The following SATB2 variants were observed in gnomAD, a reference collection of about 807,000 sequenced individuals.
SATB2 encodes DNA-binding protein SATB2.
A neutral mutation model predicts 73.4 loss-of-function variants in SATB2; 1 was observed. The observed-to-expected ratio is 0.01, with a 90% CI of 0.00 to 0.06. SATB2 has a LOEUF of 0.06. Ranked by LOEUF, SATB2 falls within the 10% of genes least tolerant of loss-of-function variation. The pLI is 1.00. For synonymous variants in SATB2, 397 were observed against 367.0 expected, an observed-to-expected ratio of 1.08 and a Z score of -0.93; for missense variants, 459 against 945.8, an observed-to-expected ratio of 0.49 and a Z score of 6.75.
intron 6 of SATB2, among the ~76,000 whole-genome samples, chr2:199,349,452 C>T (rs1688750764): frequency 6.6e-6 from 1 of 151,980 alleles, no homozygotes; most frequent in Admixed American, 6.6e-5. Context: ...AGACAGAAAC[C>T]ACTGACCATT....
At chr2:199,351,999 A>G (rs1266010353) in intron 6 of SATB2, among the ~76,000 whole-genome samples, 1 of 152,106 alleles carries the variant, frequency 6.6e-6, no homozygotes, top group Non-Finnish European at 1.5e-5. Flanking sequence ...CCTTCCGAGT[A>G]ACTGGGATTA....
At chr2:199,294,179 G>A (rs1273542479) in intron 10 of SATB2, among the ~76,000 whole-genome samples, 2 of 152,086 alleles carry the variant, frequency 1.3e-5, no homozygotes, top group East Asian at 3.9e-4. Context: ...TGTGAGGAAT[G>A]GCAACACAGA....
rs541080807 is a variant in SATB2 at position 199,289,094 on chromosome 2, T to G, written c.1741-16422A>C. Among the ~76,000 whole-genome samples, 944 of 152,230 alleles carry G rather than the reference T, an allele frequency of 6.2e-3. 10 individuals carry two copies. Among genetic ancestry groups the G allele is most frequent in the African/African-American group, 0.021 (886 of 41,544 alleles). ...ATGTGAGGTAGAAACTTCCCAAAAG[T>G]TTGGGCTCTTAATTCTAGGGTAGGC... On this transcript the variant is annotated intron_variant, in intron 10 of 10. Transcript: ENST00000417098.
chr2:199,360,395 C>T (rs570564098), intron 6 of SATB2, among the ~76,000 whole-genome samples: 4 of 152,292 alleles, frequency 2.6e-5, no homozygotes, highest in African/African-American at 7.2e-5. Flanking sequence ...GTTCCCCAGA[C>T]ATGGTCTGTC....
chr2:199,443,771 A>C (rs925675603), intron 2 of SATB2, among the ~76,000 whole-genome samples: 4 of 152,210 alleles, frequency 2.6e-5, no homozygotes, highest in Admixed American at 6.5e-5. Context: ...GCATCCATCA[A>C]GACTCAATAA....
intron 10 of SATB2, among the ~76,000 whole-genome samples, chr2:199,288,696 T>C (rs1009219275): frequency 1.3e-5 from 2 of 152,116 alleles, no homozygotes; most frequent in African/African-American, 4.8e-5. Context: ...ATCAAACACA[T>C]AAAAGTACAA....
At chr2:199,276,507 G>A (rs541090332) in intron 10 of SATB2, among the ~76,000 whole-genome samples, 3 of 152,106 alleles carry the variant, frequency 2.0e-5, no homozygotes, top group South Asian at 2.1e-4. Flanking sequence ...ACCTATAAGC[G>A]GTTTCATTCC....
At position 199,271,960 on chromosome 2, in the gene SATB2, T is replaced by A; in HGVS notation, c.*251A>T. The A allele has an allele frequency of 1.8e-6, 1 of 541,522 alleles. No individual in the cohort carries two copies. The highest frequency in any genetic ancestry group is 3.3e-5 in the East Asian group (1 of 30,198). The allele number at this position is 541,522 out of a possible 1,614,324, so 33.5% of individuals were successfully genotyped here. A position where few individuals can be genotyped will look rare whatever the true frequency, so the allele number is the denominator to read the frequency against. On this transcript the variant is annotated 3_prime_UTR_variant, in exon 11 of 11. Coordinates refer to ENST00000417098, the MANE Select transcript of SATB2 (RefSeq NM_001172509.2). ...CCAGTCATAGAGACGGGATAAAGTGTAACGCTTTAGTGTCTTTGCCAAGGC... is the reference window on the plus strand; with the variant it reads ...CCAGTCATAGAGACGGGATAAAGTGAAACGCTTTAGTGTCTTTGCCAAGGC...
At chr2:199,345,513 A>G (rs1387162337) in intron 7 of SATB2, among the ~76,000 whole-genome samples, 1 of 150,486 alleles carries the variant, frequency 6.6e-6, no homozygotes, top group Non-Finnish European at 1.5e-5. Context: ...CCCAATCTAA[A>G]ACTATCACTT....
chr2:199,323,875 C>G lies in SATB2; in HGVS notation c.1470G>C (p.Glu490Asp). Residue 490 changes from glutamate (E) to aspartate (D), a missense_variant, in exon 9 of 11, where the codon GAG becomes GAC. Transcript: ENST00000417098. Reference sequence around the variant, plus strand: ...TGGCCCTTTTCATCTCCTGTTGGATCTCGTCATAAATGGCAGCTGTGATGT... The same window carrying G: ...TGGCCCTTTTCATCTCCTGTTGGATGTCGTCATAAATGGCAGCTGTGATGT... ...NINITAAIYD[E>D]IQQEMKRAKV... is the part of the protein sequence containing the mutation. The G allele has an allele frequency of 6.2e-7, 1 of 1,613,450 alleles. No individual in the cohort carries two copies. Among genetic ancestry groups the G allele is most frequent in the Non-Finnish European group, 8.5e-7 (1 of 1,179,594 alleles).
chr2:199,273,510 A>G (rs1692219592), intron 10 of SATB2, among the ~76,000 whole-genome samples: 1 of 152,244 alleles, frequency 6.6e-6, no homozygotes. Context: ...CCTTTGTAAA[A>G]TTAGAAATGA....
intron 2 of SATB2, among the ~76,000 whole-genome samples, chr2:199,446,316 T>C (rs1194615522): frequency 6.6e-6 from 1 of 152,204 alleles, no homozygotes; most frequent in Non-Finnish European, 1.5e-5. Flanking sequence ...CTCACAGAAC[T>C]TCCTTGTTAA....
intron 3 of SATB2, among the ~76,000 whole-genome samples, chr2:199,421,418 G>A (rs1379522366): frequency 1.3e-5 from 2 of 152,090 alleles, no homozygotes; most frequent in Non-Finnish European, 2.9e-5. Context: ...CCAATAATGG[G>A]CTGTTCTCAA....
rs577355564 is a variant in SATB2, at chr2:199,301,377, C to A, written c.1740+7383G>T. 3.9e-5 allele frequency among the ~76,000 whole-genome samples: 6 copies of A among 152,250 alleles called. No homozygotes were observed. In the East Asian group the frequency reaches 1.2e-3, roughly 29 times the overall value. ...CCTGGTAACTGCAGGGTACTAGAAG[C>A]CATGTTCCACTAAAAGGCCCTAACT... On this transcript the variant is annotated intron_variant, in intron 10 of 10. Transcript: ENST00000417098.
chr2:199,289,773 C>G (rs1310618612), intron 10 of SATB2, among the ~76,000 whole-genome samples: 2 of 152,198 alleles, frequency 1.3e-5, no homozygotes, highest in African/African-American at 4.8e-5. Flanking sequence ...TCTGAGAGTT[C>G]TCACTGACTC....
chr2:199,371,360 G>T lies in SATB2; in HGVS notation c.598-2653C>A, dbSNP rs537284849. Among the ~76,000 whole-genome samples, 62 of 152,050 alleles carry T rather than the reference G, an allele frequency of 4.1e-4. 1 individual carries two copies. The highest frequency in any genetic ancestry group is 1.5e-3 in the African/African-American group (61 of 41,496). ...TCTAGAACATCAACACTTAATTAAT[G>T]ATACATAAAGTTGAAAGGGGCTAAC... is the stretch of plus-strand genomic sequence containing the variant. On this transcript the variant is annotated intron_variant, in intron 5 of 10. Coordinates refer to ENST00000417098, the MANE Select transcript of SATB2 (RefSeq NM_001172509.2).
chr2:199,439,366 G>A (rs1338149454), intron 2 of SATB2, among the ~76,000 whole-genome samples: 1 of 152,222 alleles, frequency 6.6e-6, no homozygotes, highest in Middle Eastern at 3.2e-3. Flanking sequence ...TCTCTTGAAG[G>A]AAGGCAGCAG....
intron 3 of SATB2, among the ~76,000 whole-genome samples, chr2:199,388,611 T>C (rs938623782): frequency 2.0e-5 from 3 of 152,158 alleles, no homozygotes; most frequent in Non-Finnish European, 2.9e-5. Flanking sequence ...GGATGGATAA[T>C]TTTCTTTTAT....
At chr2:199,375,887 C>T (rs1337851197) in intron 5 of SATB2, among the ~76,000 whole-genome samples, 1 of 152,206 alleles carries the variant, frequency 6.6e-6, no homozygotes, top group African/African-American at 2.4e-5. Context: ...TCCAGGAATG[C>T]TGGTGGAAAT....
Sources: allele counts gnomAD v4.1 joint callset (sites outside exome capture counted in the v4.1 genomes callset), GRCh38; gene constraint gnomAD v4.1.1; transcripts MANE v1.5; gene names NCBI Gene and HGNC (gene_info 2026-07-23, HGNC 2026-07-21).